The following HFM1 variants were observed in gnomAD, a reference collection of about 807,000 sequenced individuals.
HFM1 encodes the protein helicase for meiosis 1.
In HFM1, 169 loss-of-function variants were observed where a neutral mutation model predicts 192.1. That is an observed-to-expected ratio of 0.88 (90% CI 0.78 to 1.00). The LOEUF is 1.00. Among genes scored for constraint, HFM1 ranks in the 50% least tolerant of loss-of-function variants. The pLI is 0.00. For missense variants in HFM1, 1,661 were observed against 1,668.0 expected (o/e 1.00, Z 0.07); for synonymous variants, 525 against 537.8 (o/e 0.98, Z 0.33).
intron 20 of HFM1, among the ~76,000 whole-genome samples, chr1:91,342,697 TTA>T (rs972067401): frequency 5.3e-5 from 8 of 152,292 alleles, no homozygotes; most frequent in African/African-American, 7.2e-5. Context: ...ATACATTTTG[TTA>T]TATGAGTCCC....
intron 36 of HFM1, among the ~76,000 whole-genome samples, chr1:91,263,666 T>C (rs1233198819): frequency 2.0e-5 from 3 of 152,096 alleles, no homozygotes; most frequent in Non-Finnish European, 4.4e-5. Context: ...GGTGGGAGGA[T>C]CTCTTTAGCC....
In HFM1 at chr1:91,313,972, T is replaced by C. The variant is rs764662804; in HGVS notation, c.3229A>G (p.Ile1077Val). The change falls in exon 29 of 39, where the codon ATA becomes GTA. Residue 1077 changes from isoleucine to valine, a missense_variant. Physicochemically the swap from Ile to Val is conservative, Grantham distance 29. Transcript: ENST00000370425. ...ATTAACTTACCAAATTCAGAACTTA[T>C]TAGATTTATGCTAAGATCTTCAGAT... The part of the protein sequence containing the change: ...LKSEDLSINL[I>V]SSEFVGLDIQ... 54 of 1,585,564 alleles carry C rather than the reference T, an allele frequency of 3.4e-5. No homozygotes were observed. Among genetic ancestry groups the C allele is most frequent in the Middle Eastern group, 1.7e-4 (1 of 6,010 alleles).
chr1:91,314,005 C>T lies in HFM1; in HGVS notation c.3196G>A (p.Ala1066Thr). The T allele has an allele frequency of 1.2e-6, 2 of 1,610,450 alleles. No homozygotes were observed. The highest frequency in any genetic ancestry group is 1.3e-5 in the African/African-American group (1 of 74,960). ...SWAKKIAVKRALKSEDLSINL... is the reference protein window; with the variant it reads ...SWAKKIAVKRTLKSEDLSINL... ...ATGCTAAGATCTTCAGATTTAAGAGCTCTTTTCACAGCAATCTTTTTAGCC... is the reference window on the plus strand; with the variant it reads ...ATGCTAAGATCTTCAGATTTAAGAGTTCTTTTCACAGCAATCTTTTTAGCC... Residue 1066 changes from alanine to threonine, a missense_variant, in exon 29 of 39, where the codon GCT becomes ACT. Physicochemically the swap from Ala to Thr is moderately conservative, Grantham distance 58. Transcript: ENST00000370425.
chr1:91,276,212 C>G (rs1666790983), intron 32 of HFM1, among the ~76,000 whole-genome samples: 1 of 152,166 alleles, frequency 6.6e-6, no homozygotes, highest in African/African-American at 2.4e-5. Flanking sequence ...TATTAGGAAT[C>G]CTTTCTTGGT....
chr1:91,400,218 A>G (rs993737300), intron 2 of HFM1, among the ~76,000 whole-genome samples: 1 of 152,220 alleles, frequency 6.6e-6, no homozygotes, highest in African/African-American at 2.4e-5. Context: ...GAAAATCCAT[A>G]AAAGCCAGTA....
At position 91,386,294 on chromosome 1, in the gene HFM1, C is replaced by T. The variant is rs76686320; in HGVS notation, c.495-460G>A. On this transcript the variant is annotated intron_variant, in intron 4 of 38. Coordinates refer to ENST00000370425, the MANE Select transcript of HFM1 (RefSeq NM_001017975.6). ...GCACTCAAACAACCCTATGAAGAGG[C>T]CCAGGTGGAGAGGTACTGAGGTCTC... Among the ~76,000 whole-genome samples the T allele has an allele frequency of 5.4e-3, 819 of 152,252 alleles. 6 individuals are homozygous for T. Among genetic ancestry groups the T allele is most frequent in the African/African-American group, 0.019 (770 of 41,554 alleles).
At position 91,262,550 on chromosome 1, in the gene HFM1, A is replaced by T; in HGVS notation, c.4017T>A (p.Asn1339Lys). Residue 1339 changes from asparagine to lysine, a missense_variant, in exon 37 of 39, where the codon AAT becomes AAA. Transcript: ENST00000370425. ...SHEMSDISLS[N>K]SAMPKFSASS... ...ATGCACTGAACTTGGGCATAGCAGA[A>T]TTTGATAAAGAAATATCCGACATCT... The T allele has an allele frequency of 6.2e-7, 1 of 1,607,070 alleles. No individual in the cohort carries two copies.
At chr1:91,323,386 C>T (rs1652417012) in intron 21 of HFM1, among the ~76,000 whole-genome samples, 187 bp from the exon 22 acceptor site, 3 of 152,156 alleles carry the variant, frequency 2.0e-5, no homozygotes, top group African/African-American at 7.2e-5. Context: ...CTAACAAATG[C>T]TTACAAACTC....
At chr1:91,332,897 G>GAGA (rs1468283177) in intron 20 of HFM1, among the ~76,000 whole-genome samples, 1 of 152,130 alleles carries the variant, frequency 6.6e-6, no homozygotes, top group Non-Finnish European at 1.5e-5. Context: ...AAAGTACAAT[G>GAGA]AGATATCATC....
chr1:91,303,518 A>G (rs1020295512), intron 30 of HFM1, among the ~76,000 whole-genome samples: 3 of 152,146 alleles, frequency 2.0e-5, no homozygotes, highest in African/African-American at 7.2e-5. Context: ...ATTCTTTTGG[A>G]TATACACCTA....
intron 6 of HFM1, among the ~76,000 whole-genome samples, chr1:91,384,034 A>G (rs1661882251): frequency 6.6e-6 from 1 of 152,192 alleles, no homozygotes; most frequent in Non-Finnish European, 1.5e-5. Context: ...TCATGACATT[A>G]TATGATATGA....
At chr1:91,389,816 A>G (rs1351513713) in intron 4 of HFM1, among the ~76,000 whole-genome samples, 1 of 152,244 alleles carries the variant, frequency 6.6e-6, no homozygotes, top group African/African-American at 2.4e-5. Flanking sequence ...AAGACAGAAA[A>G]TAACAAGTAC....
chr1:91,281,983 A>G (rs1216405650), intron 30 of HFM1, among the ~76,000 whole-genome samples: 1 of 152,234 alleles, frequency 6.6e-6, no homozygotes, highest in East Asian at 1.9e-4. Context: ...CCTCGTAAGC[A>G]TTTACAATTT....
Position 91,315,897 on chromosome 1 carries a change from T to G in HFM1, c.3058A>C (p.Lys1020Gln), listed in dbSNP as rs763919508. The G allele has an allele frequency of 6.2e-7, 1 of 1,608,758 alleles. No individual in the cohort carries two copies. The highest frequency in any genetic ancestry group is 1.1e-5 in the South Asian group (1 of 90,896). Residue 1020 changes from lysine (K) to glutamine (Q), a missense_variant, in exon 28 of 39, where the codon AAA becomes CAA. Physicochemically the swap from Lys to Gln is moderately conservative, Grantham distance 53 (BLOSUM62 1). Transcript: ENST00000370425. ...ILRNFEQLQT[K>Q]RTASDSHYVT... is the part of the protein sequence containing the mutation. ...TAGTGAGAATCCGATGCTGTTCTTT[T>G]AGTTTGTAGCTGTTCAAAATTTCTT... is the stretch of plus-strand genomic sequence containing the variant.
chr1:91,265,015 A>G (rs953027482), intron 36 of HFM1, among the ~76,000 whole-genome samples: 5 of 152,024 alleles, frequency 3.3e-5, no homozygotes, highest in Non-Finnish European at 7.4e-5. Flanking sequence ...TAAAAATCCA[A>G]CCCTACCTCT....
intron 34 of HFM1, among the ~76,000 whole-genome samples, chr1:91,269,835 T>C (rs892420576): frequency 2.6e-5 from 4 of 152,082 alleles, no homozygotes; most frequent in African/African-American, 7.2e-5. Flanking sequence ...GAGAACACCA[T>C]GTAAAAGACA....
At chr1:91,353,666 A>C (rs914107051) in intron 13 of HFM1, among the ~76,000 whole-genome samples, 29 of 150,972 alleles carry the variant, frequency 1.9e-4, no homozygotes, top group African/African-American at 5.8e-4. Context: ...AAAAAAAAAA[A>C]AAAAAACATG....
upstream of HFM1, among the ~76,000 whole-genome samples, chr1:91,406,851 C>A (rs1664834047): frequency 6.6e-6 from 1 of 152,036 alleles, no homozygotes; most frequent in South Asian, 2.1e-4. Flanking sequence ...AACATCTTTT[C>A]AAGAAAGAGA....
upstream of HFM1, among the ~76,000 whole-genome samples, chr1:91,407,607 T>C (rs150782077): frequency 5.3e-4 from 80 of 152,372 alleles, no homozygotes; most frequent in Non-Finnish European, 1.0e-3. Context: ...TAATATTCTA[T>C]TGTATTTATA....
Sources: allele counts gnomAD v4.1 joint callset (sites outside exome capture counted in the v4.1 genomes callset), GRCh38; gene constraint gnomAD v4.1.1; transcripts MANE v1.5; gene names NCBI Gene and HGNC (gene_info 2026-07-23, HGNC 2026-07-21).